Variants in LGSN observed in about 807,000 individuals in gnomAD.
The protein encoded by LGSN is lengsin, lens protein with glutamine synthetase domain, also known as lengsin.
LGSN carries 21 observed loss-of-function variants against 19.5 expected under a neutral mutation model. The observed-to-expected ratio is 1.07, with a 90% CI of 0.76 to 1.55. The LOEUF is 1.55. Ranked by LOEUF, LGSN falls within the 40% of genes most tolerant of loss-of-function variation. LGSN has a pLI of 0.00. For synonymous variants in LGSN, 257 were observed against 215.6 expected, an observed-to-expected ratio of 1.19 and a Z score of -1.68; for missense variants, 673 against 608.5, an observed-to-expected ratio of 1.11 and a Z score of -1.12.
the LGSN span, among the ~76,000 whole-genome samples, chr6:63,495,469 T>TTTTTTTTTTTTTG: frequency 1.2e-4 from 14 of 119,292 alleles, no homozygotes; most frequent in South Asian, 8.7e-4. Flanking sequence ...TTTTTTTTTT[T>TTTTTTTTTTTTTG]TTTTTTTGAG....
chr6:63,427,728 A>C, the LGSN span, among the ~76,000 whole-genome samples: 2 of 152,208 alleles, frequency 1.3e-5, no homozygotes, highest in Non-Finnish European at 2.9e-5. Flanking sequence ...AGTTAAAATA[A>C]GATTATGAAC....
chr6:63,441,369 T>C, the LGSN span: 15 of 471,530 alleles, frequency 3.2e-5, no homozygotes, highest in East Asian at 7.4e-4. Context: ...GCTGGTCACC[T>C]TGTCGTCAGC....
At chr6:63,482,425 G>C in the LGSN span, among the ~76,000 whole-genome samples, 8 of 152,042 alleles carry the variant, frequency 5.3e-5, no homozygotes, top group Non-Finnish European at 1.0e-4. Context: ...GGAACTTTAG[G>C]TACTATCCAA....
the LGSN span, among the ~76,000 whole-genome samples, chr6:63,438,107 T>C: frequency 1.3e-5 from 2 of 152,118 alleles, no homozygotes; most frequent in South Asian, 2.1e-4. Flanking sequence ...TATATATGTA[T>C]ATAATTCAAA....
the LGSN span, among the ~76,000 whole-genome samples, chr6:63,527,500 G>T: frequency 0.01 from 1,562 of 152,126 alleles, 56 homozygotes; most frequent in East Asian, 0.078. Context: ...AATGTAGAGG[G>T]TATAAATAAT....
chr6:63,474,916 AG>A, the LGSN span, among the ~76,000 whole-genome samples: 4 of 151,634 alleles, frequency 2.6e-5, no homozygotes, highest in Non-Finnish European at 5.9e-5. Context: ...AAAGAAAATG[AG>A]AAAATGAAAG....
At chr6:63,503,468 C>T in the LGSN span, among the ~76,000 whole-genome samples, 10 of 152,210 alleles carry the variant, frequency 6.6e-5, no homozygotes, top group African/African-American at 1.9e-4. Context: ...ATCCAGGACT[C>T]GCCCCGGAAT....
the LGSN span, among the ~76,000 whole-genome samples, chr6:63,503,126 T>C: frequency 6.6e-6 from 1 of 152,190 alleles, no homozygotes; most frequent in African/African-American, 2.4e-5. Flanking sequence ...ATGAGTAAAT[T>C]TTTTTCTGCA....
chr6:63,326,749 G>T, the LGSN span, among the ~76,000 whole-genome samples: 4 of 152,204 alleles, frequency 2.6e-5, no homozygotes, highest in Non-Finnish European at 5.9e-5. Flanking sequence ...TGCTTTGAGT[G>T]CAGGGCCTGC....
At chr6:63,288,226 C>CAAAA (rs1358876693) in intron 2 of LGSN, among the ~76,000 whole-genome samples, 2,052 of 108,198 alleles carry the variant, frequency 0.019, 65 homozygotes, top group African/African-American at 0.059. Context: ...GACTCCATCT[C>CAAAA]AAAAAAATAA....
chr6:63,348,205 AT>A, the LGSN span, among the ~76,000 whole-genome samples: 1 of 152,146 alleles, frequency 6.6e-6, no homozygotes, highest in African/African-American at 2.4e-5. Flanking sequence ...ATATAAAAGT[AT>A]GGACTGGGAG....
chr6:63,420,202 CAAAA>C, the LGSN span, among the ~76,000 whole-genome samples: 2 of 106,476 alleles, frequency 1.9e-5, no homozygotes, highest in Non-Finnish European at 2.0e-5. Flanking sequence ...GACTGCGTCT[CAAAA>C]AAAAAAAAAA....
At chr6:63,374,803 C>T in the LGSN span, among the ~76,000 whole-genome samples, 16 of 152,320 alleles carry the variant, frequency 1.1e-4, no homozygotes, top group Non-Finnish European at 2.1e-4. Context: ...TTGTCTTCCA[C>T]AGTATCCCTG....
chr6:63,519,566 G>T, the LGSN span, among the ~76,000 whole-genome samples: 4 of 152,218 alleles, frequency 2.6e-5, no homozygotes, highest in South Asian at 8.3e-4. Context: ...CACCACATAT[G>T]CCAAGTTTGT....
At chr6:63,494,371 G>C in the LGSN span, among the ~76,000 whole-genome samples, 5 of 151,982 alleles carry the variant, frequency 3.3e-5, no homozygotes, top group African/African-American at 9.7e-5. Context: ...AAGCAGAATA[G>C]ACATATTATA....
At chr6:63,469,905 G>A in the LGSN span, among the ~76,000 whole-genome samples, 4 of 151,984 alleles carry the variant, frequency 2.6e-5, no homozygotes, top group Non-Finnish European at 5.9e-5. Flanking sequence ...TAGTAGAGAC[G>A]GGGTTTCTCC....
rs767013846 is a variant in LGSN, at chr6:63,294,971, G to A, written c.105C>T (p.Val35=). The change falls in exon 2 of 4, where the codon GTC becomes GTT. Residue 35 remains valine (V), a synonymous_variant. Coordinates refer to ENST00000370657, the MANE Select transcript of LGSN (RefSeq NM_016571.3). ...MNTLRRTRKK[V]TKPYVCSTEV... is the part of the protein sequence containing the mutation. ...CAGTTGAACAAACATATGGTTTAGT[G>A]ACTTTCTTCCTTGTCCTTCTTAATG... is the stretch of plus-strand genomic sequence containing the variant. The A allele has an allele frequency of 1.2e-6, 2 of 1,613,704 alleles. No homozygotes were observed. The highest frequency in any genetic ancestry group is 2.2e-5 in the South Asian group (2 of 91,078).
chr6:63,354,707 T>G, the LGSN span, among the ~76,000 whole-genome samples: 1 of 152,172 alleles, frequency 6.6e-6, no homozygotes, highest in Non-Finnish European at 1.5e-5. Flanking sequence ...CCAGCACTAT[T>G]CACAACAGCA....
chr6:63,456,302 C>A, the LGSN span, among the ~76,000 whole-genome samples: 1 of 142,304 alleles, frequency 7.0e-6, no homozygotes, highest in East Asian at 2.1e-4. Flanking sequence ...CTTCAGGGCA[C>A]CTTGAGTCTA....
Sources: allele counts gnomAD v4.1 joint callset (sites outside exome capture counted in the v4.1 genomes callset), GRCh38; gene constraint gnomAD v4.1.1; transcripts MANE v1.5; gene names NCBI Gene and HGNC (gene_info 2026-07-23, HGNC 2026-07-21).